KIF13B: variants seen among roughly 807,000 people sequenced by gnomAD.
KIF13B encodes the protein kinesin family member 13B.
Under a neutral mutation model 222.0 loss-of-function variants are expected in KIF13B, and 127 were observed. That is an observed-to-expected ratio of 0.57 (90% CI 0.50 to 0.66). KIF13B has a LOEUF of 0.66. Ranked by LOEUF, KIF13B falls within the 30% of genes least tolerant of loss-of-function variation. The pLI is 0.00. For missense variants in KIF13B, 2,173 were observed against 2,379.0 expected, an observed-to-expected ratio of 0.91 and a Z score of 1.80; for synonymous variants, 976 against 919.0, an observed-to-expected ratio of 1.06 and a Z score of -1.12.
At chr8:29,074,630 G>C (rs913379624) in intron 38 of KIF13B, among the ~76,000 whole-genome samples, 1 of 152,232 alleles carries the variant, frequency 6.6e-6, no homozygotes, top group African/African-American at 2.4e-5. Flanking sequence ...CATTCCCAGG[G>C]GAGGGGGCAC....
Position 29,071,815 on chromosome 8 carries a change from C to A in KIF13B, c.5023G>T (p.Gly1675Trp), listed in dbSNP as rs992882593. Reference sequence around the variant, plus strand: ...CCGGCGCCCGGGGCCGGCGCATTCCCCTCGGCCCCCGGGGAGCAGCCGGGG... The same window carrying A: ...CCGGCGCCCGGGGCCGGCGCATTCCACTCGGCCCCCGGGGAGCAGCCGGGG... The part of the protein sequence containing the change: ...GDPGCSPGAE[G>W]NAPAPGAGGQ... The change falls in exon 39 of 40, where the codon GGG becomes TGG. Residue 1675 changes from glycine to tryptophan, a missense_variant. Gly to Trp is a radical substitution (Grantham distance 184). Transcript: ENST00000524189. This position sits in a 1 kb window ranked among gnomAD's most constrained non-coding sequence, Gnocchi z 4.9. The A allele has an allele frequency of 1.3e-6, 2 of 1,543,738 alleles. No homozygotes were observed. The highest frequency in any genetic ancestry group is 2.7e-5 in the African/African-American group (2 of 72,992).
chr8:29,110,446 G>A (rs1443257793), intron 32 of KIF13B: 2 of 239,474 alleles, frequency 8.4e-6, no homozygotes, highest in African/African-American at 2.3e-5. Flanking sequence ...ACAGAGAAAG[G>A]GAAGAGGGGC....
At position 29,167,540 on chromosome 8, in the gene KIF13B, T is replaced by C; in HGVS notation, c.991A>G (p.Ser331Gly). 6.2e-7 allele frequency: 1 copy of C among 1,614,030 alleles called. No homozygotes were observed. The change falls in exon 11 of 40, where the codon AGT becomes GGT. Residue 331 changes from serine to glycine, a missense_variant. By Grantham distance (56) the Ser-to-Gly change is moderately conservative. Around this residue, in one of 2 missense-constraint regions of KIF13B, gnomAD observed 1,480 missense variants for 1,722.8 expected, o/e 0.86. Transcript: ENST00000524189. ...NSKTAMVATV[S>G]PAADNYDETL... ...TCATCATAGTTATCAGCTGCAGGAC[T>C]CACAGTAGCCACCATGGCGGTCTTG... is the stretch of plus-strand genomic sequence containing the variant.
chr8:29,146,550 A>G lies in KIF13B; in HGVS notation c.2025-10T>C, dbSNP rs553077588. 6.2e-7 allele frequency: 1 copy of G among 1,611,310 alleles called. No homozygotes were observed. The highest frequency in any genetic ancestry group is 8.5e-7 in the Non-Finnish European group (1 of 1,179,028). On this transcript the variant is annotated splice_polypyrimidine_tract_variant and intron_variant, in intron 17 of 39. Coordinates refer to ENST00000524189, the MANE Select transcript of KIF13B (RefSeq NM_015254.4). Reference sequence around the variant, plus strand: ...ATTCAACGTTGCTTCTCTAAAAAAAAATAAAGAAGCGGCAGAGGTAGGGAA... The same window carrying G: ...ATTCAACGTTGCTTCTCTAAAAAAAGATAAAGAAGCGGCAGAGGTAGGGAA...
chr8:29,115,826 C>T (rs1563714237), intron 31 of KIF13B, among the ~76,000 whole-genome samples: 3 of 152,154 alleles, frequency 2.0e-5, no homozygotes, highest in East Asian at 1.9e-4. Context: ...CTCCTGTCCA[C>T]GGAACTGCAT....
intron 13 of KIF13B, among the ~76,000 whole-genome samples, chr8:29,156,172 T>G (rs1333972952): frequency 6.6e-6 from 1 of 152,132 alleles, no homozygotes; most frequent in South Asian, 2.1e-4. Flanking sequence ...GGTTTCACCA[T>G]GTTGGCCAGG....
chr8:29,246,295 T>C (rs1477000058), intron 1 of KIF13B, among the ~76,000 whole-genome samples: 1 of 151,646 alleles, frequency 6.6e-6, no homozygotes, highest in Non-Finnish European at 1.5e-5. Flanking sequence ...GAGAATCGCT[T>C]GAACCCAGGA....
intron 35 of KIF13B, among the ~76,000 whole-genome samples, chr8:29,099,888 A>G (rs1443170940): frequency 6.6e-6 from 1 of 152,092 alleles, no homozygotes; most frequent in African/African-American, 2.4e-5. Flanking sequence ...CTGCTTTGAG[A>G]CCACTTCTGC....
In KIF13B at chr8:29,146,690, C is replaced by A. The variant is rs879018737; in HGVS notation, c.2025-150G>T. Reference sequence around the variant, plus strand: ...GCACGCAGGGACTGTGTTGCTGACACTGACCCATGCACACGCTTGAACCTC... The same window carrying A: ...GCACGCAGGGACTGTGTTGCTGACAATGACCCATGCACACGCTTGAACCTC... On this transcript the variant is annotated intron_variant, in intron 17 of 39. Coordinates refer to ENST00000524189, the MANE Select transcript of KIF13B (RefSeq NM_015254.4). The A allele has an allele frequency of 2.5e-5, 17 of 687,212 alleles. 1 individual carries two copies. The South Asian group carries it at 3.0e-4, about 12-fold the overall frequency. 42.6% of individuals were successfully genotyped at this position (687,212 alleles called of 1,614,324 possible). A position where few individuals can be genotyped will look rare whatever the true frequency, so the allele number is the denominator to read the frequency against.
At chr8:29,120,154 A>G (rs1053290427) in intron 29 of KIF13B, among the ~76,000 whole-genome samples, 1 of 147,906 alleles carries the variant, frequency 6.8e-6, no homozygotes, top group Non-Finnish European at 1.5e-5. Context: ...AGTGGGAAAC[A>G]GAAAAATGAC....
rs769757334 is a variant in KIF13B, at chr8:29,147,487, C to G, written c.1929G>C (p.Arg643Ser). ...YEHELEQLRR[R>S]LSPEKQNCRS... ...GGCAGTTCTGCTTCTCAGGAGACAG[C>G]CTTCTCCGGAGCTGCTCCAATTCGT... Residue 643 changes from arginine to serine, a missense_variant, in exon 17 of 40, where the codon AGG becomes AGC. This residue lies in a region of KIF13B where 1,480 missense variants were observed against 1,722.8 expected (regional missense o/e 0.86). Transcript: ENST00000524189. 8.1e-6 allele frequency: 13 copies of G among 1,613,440 alleles called. No homozygotes were observed. The highest frequency in any genetic ancestry group is 1.1e-5 in the Non-Finnish European group (13 of 1,179,694).
At chr8:29,182,730 C>A (rs1198376227) in intron 6 of KIF13B, among the ~76,000 whole-genome samples, 1 of 150,958 alleles carries the variant, frequency 6.6e-6, no homozygotes, top group Non-Finnish European at 1.5e-5. Flanking sequence ...TAATATAAAC[C>A]AAAAATATTA....
In KIF13B at chr8:29,116,844, A is replaced by C; in HGVS notation, c.3824T>G (p.Val1275Gly). 1 of 1,607,822 alleles carries C rather than the reference A, an allele frequency of 6.2e-7. No individual in the cohort carries two copies. The highest frequency in any genetic ancestry group is 8.5e-7 in the Non-Finnish European group (1 of 1,175,554). ...CTGAAGACTAACCTGGCGGCCGTGA[A>C]CATTGACACAGATTCTCTTGCGTAA... The part of the protein sequence containing the change: ...LVLRKRICVN[V>G]HGRQGFAQSL... The change falls in exon 31 of 40, where the codon GTT (valine) becomes GGT (glycine). Residue 1275 changes from valine to glycine, a missense_variant. Around this residue, in one of 2 missense-constraint regions of KIF13B, gnomAD observed 1,480 missense variants for 1,722.8 expected, o/e 0.86. Coordinates refer to ENST00000524189, the MANE Select transcript of KIF13B (RefSeq NM_015254.4).
chr8:29,134,162 C>T lies in KIF13B; in HGVS notation c.2662G>A (p.Val888Met). 6.2e-7 allele frequency: 1 copy of T among 1,613,984 alleles called. No individual in the cohort carries two copies. ...TGLPQHLSHF[V>M]FCKYSFWDQQ... ...TCCCAGAAGCTGTATTTGCAGAACA[C>T]AAAGTGGGACAGATGCTGTGGCAAC... is the stretch of plus-strand genomic sequence containing the variant. The change falls in exon 22 of 40, where the codon GTG (valine) becomes ATG (methionine). Residue 888 changes from valine to methionine, a missense_variant. Physicochemically the swap from Val to Met is conservative, Grantham distance 21 (BLOSUM62 1). Coordinates refer to ENST00000524189, the MANE Select transcript of KIF13B (RefSeq NM_015254.4).
At chr8:29,115,657 C>G (rs1165893554) in intron 31 of KIF13B, among the ~76,000 whole-genome samples, 2 of 152,122 alleles carry the variant, frequency 1.3e-5, no homozygotes, top group African/African-American at 4.8e-5. Flanking sequence ...TTGTACTAAA[C>G]CCCTTCATAT....
Position 29,116,936 on chromosome 8 carries a change from G to A in KIF13B, c.3732C>T (p.Asp1244=), listed in dbSNP as rs371004713. The change falls in exon 31 of 40, where the codon GAC becomes GAT. Residue 1244 remains aspartate, a synonymous_variant. Coordinates refer to ENST00000524189, the MANE Select transcript of KIF13B (RefSeq NM_015254.4). Reference sequence around the variant, plus strand: ...CGCGCACGATCAGGAACAACCGCTCGTCCACGGGCGTGCCCCTGCTGAGCT... The same window carrying A: ...CGCGCACGATCAGGAACAACCGCTCATCCACGGGCGTGCCCCTGCTGAGCT... ...CPQLSRGTPV[D]ERLFLIVRVT... 5.8e-5 allele frequency: 94 copies of A among 1,612,872 alleles called. No individual in the cohort carries two copies. The highest frequency in any genetic ancestry group is 3.3e-4 in the Middle Eastern group (2 of 6,082).
At chr8:29,218,934 T>C (rs979123793) in intron 2 of KIF13B, 3 of 152,250 alleles carry the variant, frequency 2.0e-5, no homozygotes, top group Non-Finnish European at 4.4e-5. Context: ...AACATCCTCA[T>C]ATGCAACCTC....
At chr8:29,126,329 C>G (rs915964927) in intron 26 of KIF13B, among the ~76,000 whole-genome samples, 153 bp downstream of exon 26, 1 of 152,112 alleles carries the variant, frequency 6.6e-6, no homozygotes, top group African/African-American at 2.4e-5. Context: ...TGAAACAACA[C>G]TCAATGTTCC....
rs755792383 is a variant in KIF13B at position 29,126,449 on chromosome 8, T to G, written c.3252+33A>C. ...TGTAATTATATACTTTAATCATGCT[T>G]ATTTGAGATGAGATTAACAGGTGCT... On this transcript the variant is annotated intron_variant, in intron 26 of 39. Coordinates refer to ENST00000524189, the MANE Select transcript of KIF13B (RefSeq NM_015254.4). The G allele has an allele frequency of 2.8e-6, 4 of 1,413,554 alleles. No homozygotes were observed. The South Asian group carries it at 3.6e-5, about 13-fold the overall frequency. 87.6% of individuals were successfully genotyped at this position (1,413,554 alleles called of 1,614,324 possible).
Sources: allele counts gnomAD v4.1 joint callset (sites outside exome capture counted in the v4.1 genomes callset), GRCh38; gene constraint gnomAD v4.1.1; regional missense constraint gnomAD v4.1.1; non-coding constraint Gnocchi (gnomAD v3.1); transcripts MANE v1.5; gene names NCBI Gene and HGNC (gene_info 2026-07-23, HGNC 2026-07-21).